The following SH3D19 variants were observed in gnomAD, a reference collection of about 807,000 sequenced individuals.
The protein encoded by SH3D19 is SH3 domain containing 19.
A neutral mutation model predicts 112.1 loss-of-function variants in SH3D19; 58 were observed. That is an observed-to-expected ratio of 0.52 (90% CI 0.42 to 0.64). The LOEUF is 0.64. Among genes scored for constraint, SH3D19 ranks in the 30% least tolerant of loss-of-function variants. The probability of loss-of-function intolerance (pLI) is 0.00; values close to 1 mark genes in which losing one functional copy is unlikely to be tolerated. For synonymous variants in SH3D19, 391 were observed against 448.5 expected, an observed-to-expected ratio of 0.87 and a Z score of 1.62; for missense variants, 1,090 against 1,263.4, an observed-to-expected ratio of 0.86 and a Z score of 2.08.
At chr4:151,155,028 G>C (rs1183281387) in intron 9 of SH3D19, among the ~76,000 whole-genome samples, 1 of 152,150 alleles carries the variant, frequency 6.6e-6, no homozygotes, top group Non-Finnish European at 1.5e-5. Flanking sequence ...AAAGTGCTGG[G>C]ATTACAGGTG....
chr4:151,188,053 C>T (rs1762063481), intron 2 of SH3D19, among the ~76,000 whole-genome samples: 1 of 152,138 alleles, frequency 6.6e-6, no homozygotes, highest in Non-Finnish European at 1.5e-5. Flanking sequence ...GCTCTTCTGC[C>T]TTTCACCATG....
At chr4:151,129,955 C>T (rs1458924289) in intron 17 of SH3D19, among the ~76,000 whole-genome samples, 1 of 152,194 alleles carries the variant, frequency 6.6e-6, no homozygotes, top group Non-Finnish European at 1.5e-5. Flanking sequence ...AAGGATGGAA[C>T]TTATCATTCT....
chr4:151,323,671 G>C (rs1730766010), intron 1 of SH3D19, among the ~76,000 whole-genome samples: 1 of 152,204 alleles, frequency 6.6e-6, no homozygotes. Context: ...ACAATGTCAT[G>C]TCTCAGCAAA....
At chr4:151,248,667 T>G (rs1351333978) in intron 1 of SH3D19, among the ~76,000 whole-genome samples, 1 of 152,100 alleles carries the variant, frequency 6.6e-6, no homozygotes, top group East Asian at 1.9e-4. Flanking sequence ...GAAAGCAAAC[T>G]CTTGGAGAAG....
At chr4:151,210,520 G>A (rs1765804255) in intron 2 of SH3D19, among the ~76,000 whole-genome samples, 1 of 150,940 alleles carries the variant, frequency 6.6e-6, no homozygotes, top group South Asian at 2.1e-4. Context: ...TCCTGCCTCA[G>A]CCTCCCCAGT....
chr4:151,244,462 T>C (rs547559026), intron 1 of SH3D19, among the ~76,000 whole-genome samples: 1 of 152,368 alleles, frequency 6.6e-6, no homozygotes, highest in South Asian at 2.1e-4. Context: ...AAGTTGTTTC[T>C]TTTTACACCC....
At chr4:151,202,225 C>T (rs1389430361) in intron 2 of SH3D19, among the ~76,000 whole-genome samples, 1 of 151,762 alleles carries the variant, frequency 6.6e-6, no homozygotes, top group Non-Finnish European at 1.5e-5. Context: ...GTCCTAGCTA[C>T]TAGGGAAGCT....
At chr4:151,229,430 G>C (rs1191069511) in intron 1 of SH3D19, among the ~76,000 whole-genome samples, 1 of 152,040 alleles carries the variant, frequency 6.6e-6, no homozygotes, top group African/African-American at 2.4e-5. Context: ...TCAAAGACCA[G>C]CAGTATATAC....
chr4:151,154,380 C>T (rs573991286), intron 9 of SH3D19, among the ~76,000 whole-genome samples: 22 of 150,746 alleles, frequency 1.5e-4, no homozygotes, highest in Admixed American at 1.4e-3. Flanking sequence ...GCGATCCGCC[C>T]GCCTTGGCCT....
At chr4:151,246,385 C>A (rs1451993752) in intron 1 of SH3D19, among the ~76,000 whole-genome samples, 1 of 152,146 alleles carries the variant, frequency 6.6e-6, no homozygotes, top group African/African-American at 2.4e-5. Context: ...ATTTTCCTTG[C>A]AATGATGATG....
chr4:151,133,998 A>G (rs1751297138), intron 15 of SH3D19, among the ~76,000 whole-genome samples: 1 of 152,162 alleles, frequency 6.6e-6, no homozygotes. Flanking sequence ...GGCTAAGGAG[A>G]AGCAATTGCC....
At chr4:151,299,580 CAAAAAAA>C (rs369585943) in intron 1 of SH3D19, among the ~76,000 whole-genome samples, 1 of 92,804 alleles carries the variant, frequency 1.1e-5, no homozygotes, top group Admixed American at 1.4e-4. Context: ...AACTCCGTCT[CAAAAAAA>C]AAAAAAAAAA....
chr4:151,257,053 TTTC>T (rs1226423441), intron 1 of SH3D19, among the ~76,000 whole-genome samples: 2 of 151,754 alleles, frequency 1.3e-5, no homozygotes, highest in Middle Eastern at 3.2e-3. Flanking sequence ...ATCTAGTTAA[TTTC>T]TTTTCTTCTT....
rs1251840180 is a variant in SH3D19, at chr4:151,122,053, T to A, written c.*38A>T. On this transcript the variant is annotated 3_prime_UTR_variant, in exon 20 of 20. Transcript: ENST00000604030. ...CTGATAGTCAAGGTGATAGTTCAAG[T>A]GAGTTCTTGTGCCAAGGAACACAGA... 6 of 1,018,542 alleles carry A rather than the reference T, an allele frequency of 5.9e-6. No homozygotes were observed. The highest frequency in any genetic ancestry group is 4.1e-5 in the South Asian group (3 of 73,886). 63.1% of individuals were successfully genotyped at this position (1,018,542 alleles called of 1,614,324 possible).
intron 2 of SH3D19, among the ~76,000 whole-genome samples, chr4:151,209,737 T>C (rs1765662534): frequency 6.6e-6 from 1 of 152,182 alleles, no homozygotes; most frequent in Non-Finnish European, 1.5e-5. Flanking sequence ...GCTTAAGAGT[T>C]ATGCACTGGT....
At chr4:151,221,530 C>A (rs554321726) in intron 2 of SH3D19, among the ~76,000 whole-genome samples, 1 of 152,302 alleles carries the variant, frequency 6.6e-6, no homozygotes, top group South Asian at 2.1e-4. Context: ...TCACTCCTTG[C>A]TGTTGTAACA....
intron 19 of SH3D19, among the ~76,000 whole-genome samples, chr4:151,125,646 G>A (rs368957526): frequency 2.6e-5 from 4 of 151,942 alleles, no homozygotes; most frequent in Admixed American, 6.6e-5. Flanking sequence ...GAGGTCAGGA[G>A]TTTGATTCCA....
Position 151,230,204 on chromosome 4 carries a change from TG to T in SH3D19, c.113-4119del, listed in dbSNP as rs547060362. On this transcript the variant is annotated intron_variant, in intron 1 of 19. Transcript: ENST00000604030. ...AGGTGTTACGCCACTTACGTAGAAA[TG>T]GGCCCCTGTTCTGGCACAGACAGTT... Among the ~76,000 whole-genome samples the T allele has an allele frequency of 2.1e-3, 317 of 152,312 alleles. 2 individuals are homozygous for T. Among genetic ancestry groups the T allele is most frequent in the African/African-American group, 7.4e-3 (309 of 41,574 alleles).
At chr4:151,125,481 CAAAA>C (rs1749013558) in intron 19 of SH3D19, among the ~76,000 whole-genome samples, 3 of 32,888 alleles carry the variant, frequency 9.1e-5, no homozygotes, top group African/African-American at 2.4e-4. Context: ...CAAAACAAAA[CAAAA>C]CAAAACCAAA....
Sources: gnomAD v4.1 joint callset for allele counts (sites outside exome capture counted in the v4.1 genomes callset) on GRCh38, gnomAD v4.1.1 for gene constraint, MANE v1.5 for transcripts, NCBI Gene and HGNC (gene_info 2026-07-23, HGNC 2026-07-21) for gene names.